The following PTK2 variants were observed in gnomAD, a reference collection of about 807,000 sequenced individuals.
PTK2 encodes focal adhesion kinase 1.
In PTK2, 45 loss-of-function variants were observed where a neutral mutation model predicts 150.1. That is an observed-to-expected ratio of 0.30 (90% CI 0.24 to 0.38). The LOEUF is 0.38. Among genes scored for constraint, PTK2 ranks in the 10% least tolerant of loss-of-function variants. PTK2 has a pLI of 1.00. For missense variants in PTK2, 919 were observed against 1,307.3 expected (o/e 0.70, Z 4.58); for synonymous variants, 432 against 449.2 (o/e 0.96, Z 0.48).
At chr8:140,691,115 C>T (rs745990142) in intron 26 of PTK2, among the ~76,000 whole-genome samples, 2 of 151,778 alleles carry the variant, frequency 1.3e-5, no homozygotes, top group African/African-American at 4.8e-5. Flanking sequence ...TAGATGAACA[C>T]CTTTGTATAC....
At chr8:140,736,495 A>C (rs777120708) in intron 21 of PTK2, among the ~76,000 whole-genome samples, 8 of 151,728 alleles carry the variant, frequency 5.3e-5, no homozygotes, top group Admixed American at 2.6e-4. Flanking sequence ...CCATGTAACA[A>C]ACCTGCACAT....
chr8:140,874,512 G>A (rs1186610332), intron 4 of PTK2, among the ~76,000 whole-genome samples: 2 of 152,110 alleles, frequency 1.3e-5, no homozygotes, highest in Admixed American at 6.5e-5. Flanking sequence ...GTCATGTTCA[G>A]CTTCTTGTAT....
intron 2 of PTK2, among the ~76,000 whole-genome samples, chr8:140,902,748 T>C (rs2100159025): frequency 6.6e-6 from 1 of 152,204 alleles, no homozygotes; most frequent in African/African-American, 2.4e-5. Context: ...ATTGGCCACA[T>C]AAATGTCTTC....
At chr8:140,941,289 C>A (rs2100175654) in intron 1 of PTK2, among the ~76,000 whole-genome samples, 1 of 152,182 alleles carries the variant, frequency 6.6e-6, no homozygotes, top group Non-Finnish European at 1.5e-5. Context: ...TGTTCCCAAA[C>A]ACCAAATGTC....
intron 29 of PTK2, chr8:140,672,033 C>T (rs2095585017): frequency 2.6e-6 from 1 of 378,248 alleles, no homozygotes; most frequent in Non-Finnish European, 5.2e-6. Flanking sequence ...TGTATGTATT[C>T]ATTATGTTAT....
intron 18 of PTK2, 105 bp downstream of exon 21, chr8:140,746,655 A>T (rs896161027): frequency 6.5e-5 from 50 of 772,884 alleles, no homozygotes; most frequent in Middle Eastern, 5.1e-4. Context: ...ATCCTAAATC[A>T]GAACTCTCCT....
At chr8:140,803,402 T>A (rs934424501) in intron 11 of PTK2, 141 bp downstream of exon 11, 4 of 691,806 alleles carry the variant, frequency 5.8e-6, no homozygotes, top group African/African-American at 1.8e-5. Context: ...TTATTGTTTC[T>A]AATGTAACCC....
chr8:140,923,561 T>C (rs1184065937), intron 2 of PTK2, among the ~76,000 whole-genome samples: 2 of 152,226 alleles, frequency 1.3e-5, no homozygotes, highest in African/African-American at 4.8e-5. Context: ...TGCTTTTAAA[T>C]TCCTAATCCA....
chr8:140,694,990 G>A (rs1004777963), intron 26 of PTK2, among the ~76,000 whole-genome samples: 6 of 152,086 alleles, frequency 3.9e-5, no homozygotes, highest in Non-Finnish European at 5.9e-5. Flanking sequence ...CTTTCCATGC[G>A]GCTGTCTAAA....
intron 1 of PTK2, among the ~76,000 whole-genome samples, chr8:140,946,610 T>TA (rs1353226688): frequency 2.6e-5 from 4 of 152,228 alleles, no homozygotes; most frequent in Non-Finnish European, 4.4e-5. Flanking sequence ...GTTTCCCGCA[T>TA]GAATACACCC....
intron 1 of PTK2, among the ~76,000 whole-genome samples, chr8:140,969,182 G>T (rs2100186346): frequency 6.6e-6 from 1 of 152,182 alleles, no homozygotes; most frequent in East Asian, 1.9e-4. Context: ...ATTTAAACAA[G>T]ACCCAGAGTC....
intron 1 of PTK2, among the ~76,000 whole-genome samples, chr8:140,979,045 G>A (rs2100190403): frequency 6.8e-6 from 1 of 146,458 alleles, no homozygotes; most frequent in Admixed American, 7.0e-5. Flanking sequence ...TCACTCATAT[G>A]TGGGAATTGA....
chr8:140,873,435 T>C (rs1305521293), intron 4 of PTK2, among the ~76,000 whole-genome samples: 6 of 152,000 alleles, frequency 3.9e-5, no homozygotes, highest in Admixed American at 3.9e-4. Context: ...TTCATGTCTC[T>C]TGTGTATCTA....
At chr8:140,687,495 G>C (rs952001252) in intron 26 of PTK2, among the ~76,000 whole-genome samples, 2 of 152,138 alleles carry the variant, frequency 1.3e-5, no homozygotes, top group African/African-American at 4.8e-5. Context: ...CACCTATCAG[G>C]CATAATTACT....
chr8:140,819,138 G>C, intron 8 of PTK2, 118 bp from the exon 9 acceptor site: 1 of 979,434 alleles, frequency 1.0e-6, no homozygotes, highest in Non-Finnish European at 1.4e-6. Context: ...TCAAATTACT[G>C]CCAAAAAGTA....
At chr8:140,930,117 C>T (rs1286898829) in intron 1 of PTK2, among the ~76,000 whole-genome samples, 1 of 152,114 alleles carries the variant, frequency 6.6e-6, no homozygotes, top group Non-Finnish European at 1.5e-5. Context: ...CAGTTTGAGG[C>T]TTATAATATG....
chr8:140,959,008 T>C (rs964683534), intron 1 of PTK2, among the ~76,000 whole-genome samples: 4 of 152,220 alleles, frequency 2.6e-5, no homozygotes, highest in Non-Finnish European at 4.4e-5. Context: ...CTCTACAATG[T>C]CAATTTGTCA....
chr8:140,993,591 A>G (rs1200731646), intron 1 of PTK2, among the ~76,000 whole-genome samples: 2 of 152,256 alleles, frequency 1.3e-5, no homozygotes, highest in African/African-American at 4.8e-5. Flanking sequence ...AAAGACAAAC[A>G]TATAGTGTTT....
intron 31 of PTK2, chr8:140,660,481 T>C (rs1017506950): frequency 2.5e-6 from 1 of 402,964 alleles, no homozygotes; most frequent in Non-Finnish European, 5.1e-6. Flanking sequence ...TTCAGCACTT[T>C]GGGCGGCGGA....
Sources: allele counts gnomAD v4.1 joint callset (sites outside exome capture counted in the v4.1 genomes callset), GRCh38; gene constraint gnomAD v4.1.1; transcripts MANE v1.5; gene names NCBI Gene and HGNC (gene_info 2026-07-23, HGNC 2026-07-21).